RPS6: variants seen among roughly 807,000 people sequenced by gnomAD.
RPS6 encodes the protein small ribosomal subunit protein eS6.
Under a neutral mutation model 27.1 loss-of-function variants are expected in RPS6, and 1 was observed. The observed-to-expected ratio is 0.04, with a 90% CI of 0.01 to 0.18. The LOEUF is 0.18. Ranked by LOEUF, RPS6 falls within the 10% of genes least tolerant of loss-of-function variation. The pLI, the probability that RPS6 is intolerant of heterozygous loss-of-function variation, is 1.00. For synonymous variants in RPS6, 152 were observed against 106.0 expected (o/e 1.43, Z -2.66); for missense variants, 259 against 319.1 (o/e 0.81, Z 1.44).
chr9:19,378,952 A>G (rs1829633873), intron 2 of RPS6, 34 bp from the exon 3 acceptor site: 1 of 1,594,386 alleles, frequency 6.3e-7, no homozygotes, highest in Non-Finnish European at 8.6e-7. Context: ...CACATTTACT[A>G]TTTCTATTCC....
intron 2 of RPS6, 166 bp downstream of exon 2, chr9:19,379,321 C>T: frequency 6.6e-7 from 1 of 1,504,988 alleles, no homozygotes; most frequent in Non-Finnish European, 8.9e-7. Flanking sequence ...TACTCTACGT[C>T]CCCCCCTCCA....
rs758793587 is a variant in RPS6 at position 19,379,510 on chromosome 9, C to A, written c.115G>T (p.Asp39Tyr). Residue 39 changes from aspartate to tyrosine, a missense_variant, in exon 2 of 6, where the codon GAC becomes TAC. Transcript: ENST00000380394. Reference sequence around the variant, plus strand: ...ACCTTCCATTCTTCACCCAGAGCGTCAGCAGCAACTTCTGTGGCCATACGC... The same window carrying A: ...ACCTTCCATTCTTCACCCAGAGCGTAAGCAGCAACTTCTGTGGCCATACGC... ...EKRMATEVAADALGEEWKGYV... is the reference protein window; with the variant it reads ...EKRMATEVAAYALGEEWKGYV... 5 of 1,614,082 alleles carry A rather than the reference C, an allele frequency of 3.1e-6. No individual in the cohort carries two copies. The highest frequency in any genetic ancestry group is 3.4e-6 in the Non-Finnish European group (4 of 1,180,046).
In RPS6 at chr9:19,376,572, A is replaced by G. The variant is rs1056761136; in HGVS notation, c.576T>C (p.Ile192=). ...PRVLQHKRRR[I]ALKKQRTKKN... ...TCTTGGTACGCTGCTTCTTCAGAGC[A>G]ATACGCCGCCGTTTGTGCTGCAGGA... is the stretch of plus-strand genomic sequence containing the variant. The change falls in exon 5 of 6, where the codon ATT becomes ATC. Residue 192 remains isoleucine (I), a synonymous_variant. Transcript: ENST00000380394. 7 of 1,614,178 alleles carry G rather than the reference A, an allele frequency of 4.3e-6. No individual in the cohort carries two copies. Among genetic ancestry groups the G allele is most frequent in the Non-Finnish European group, 5.9e-6 (7 of 1,180,044 alleles).
At chr9:19,378,663 G>A (rs1829628701) in intron 3 of RPS6, 45 bp downstream of exon 3, 3 of 1,601,362 alleles carry the variant, frequency 1.9e-6, no homozygotes, top group East Asian at 4.5e-5. Flanking sequence ...TGGACAACTG[G>A]CTTTAAATCA....
intron 2 of RPS6, chr9:19,379,217 T>C: frequency 8.2e-7 from 1 of 1,222,036 alleles, no homozygotes. Flanking sequence ...TTTGGCACTT[T>C]GGGGATTATG....
intron 4 of RPS6, among the ~76,000 whole-genome samples, chr9:19,377,626 A>C (rs1207425306): frequency 6.6e-6 from 1 of 152,182 alleles, no homozygotes; most frequent in Non-Finnish European, 1.5e-5. Flanking sequence ...TGTTTATTTA[A>C]CATAAATATC....
intron 4 of RPS6, among the ~76,000 whole-genome samples, chr9:19,377,575 T>G (rs1318221703): frequency 2.0e-5 from 3 of 152,204 alleles, no homozygotes; most frequent in African/African-American, 7.2e-5. Context: ...AGAGAAATTC[T>G]TTCAAATTTT....
At chr9:19,378,025 A>C (rs1376866302) in intron 4 of RPS6, among the ~76,000 whole-genome samples, 2 of 152,200 alleles carry the variant, frequency 1.3e-5, no homozygotes, top group African/African-American at 4.8e-5. Flanking sequence ...TCTGATATAA[A>C]ATTACAAAGT....
intron 4 of RPS6, 81 bp from the exon 5 acceptor site, chr9:19,376,732 G>GT (rs1191332129): frequency 3.6e-6 from 5 of 1,400,580 alleles, no homozygotes; most frequent in South Asian, 1.3e-5. Context: ...AGAAATAAAC[G>GT]TAAGCTTAAC....
chr9:19,379,869 G>A (rs779875802), intron 1 of RPS6: 3 of 1,422,338 alleles, frequency 2.1e-6, no homozygotes, highest in Non-Finnish European at 2.7e-6. Flanking sequence ...CTCCGCAGCC[G>A]TTCACCCTCC....
In RPS6 at chr9:19,376,513, A is replaced by C. The variant is rs573427608; in HGVS notation, c.635T>G (p.Leu212Arg). The change falls in exon 5 of 6, where the codon CTT becomes CGT. Residue 212 changes from leucine (L) to arginine (R), a missense_variant. Leu to Arg is a moderately radical substitution (Grantham distance 102, BLOSUM62 -2). Around this residue, in one of 3 missense-constraint regions of RPS6, gnomAD observed 191 missense variants for 231.6 expected, o/e 0.82. Coordinates refer to ENST00000380394, the MANE Select transcript of RPS6 (RefSeq NM_001010.3). ...NKEEAAEYAKLLAKRMKEAKE... is the reference protein window; with the variant it reads ...NKEEAAEYAKRLAKRMKEAKE... ...ACTAACCTTCATTCTCTTGGCCAAA[A>C]GTTTAGCATATTCTGCAGCCTCTTC... 3 of 1,614,006 alleles carry C rather than the reference A, an allele frequency of 1.9e-6. No homozygotes were observed. The highest frequency in any genetic ancestry group is 1.1e-5 in the South Asian group (1 of 91,020).
chr9:19,376,153 C>CA lies in RPS6; in HGVS notation c.*139dup. The CA allele has an allele frequency of 1.4e-6, 1 of 709,218 alleles. No homozygotes were observed. Among genetic ancestry groups the CA allele is most frequent in the Non-Finnish European group, 2.3e-6 (1 of 429,032 alleles). 43.9% of individuals were successfully genotyped at this position (709,218 alleles called of 1,614,324 possible). A position where few individuals can be genotyped will look rare whatever the true frequency, so the allele number is the denominator to read the frequency against. On this transcript the variant is annotated 3_prime_UTR_variant, in exon 6 of 6. Transcript: ENST00000380394. ...CACACACAATAGGTCTGACTTTATC[C>CA]ACCATTGGAATACCATATATACATA...
rs1332402807 is a variant in RPS6 at position 19,376,125 on chromosome 9, T to A, written c.*168A>T. ...CCTGTACACTGACCTTGTCTTCCAC[T>A]ACCACACACAATAGGTCTGACTTTA... On this transcript the variant is annotated 3_prime_UTR_variant, in exon 6 of 6. Transcript: ENST00000380394. The A allele has an allele frequency of 3.2e-6, 2 of 619,016 alleles. No homozygotes were observed. The highest frequency in any genetic ancestry group is 5.5e-6 in the Non-Finnish European group (2 of 362,018). The allele number at this position is 619,016 out of a possible 1,614,324, so 38.3% of individuals were successfully genotyped here.
chr9:19,376,831 AT>A (rs1219325472), intron 4 of RPS6, 180 bp from the exon 5 acceptor site: 1 of 517,442 alleles, frequency 1.9e-6, no homozygotes, highest in Non-Finnish European at 3.3e-6. Context: ...AATCTAGAAG[AT>A]TGGTTAAATA....
rs746229844 is a variant in RPS6 at position 19,380,230 on chromosome 9, A to G, written c.-35T>C. On this transcript the variant is annotated 5_prime_UTR_variant, in exon 1 of 6. Coordinates refer to ENST00000380394, the MANE Select transcript of RPS6 (RefSeq NM_001010.3). ...GCTGAACGCCTCCGAGGCGCCACGG[A>G]AAAGAGGGCCAACTTCCGCTTAGCG... 1 of 1,610,932 alleles carries G rather than the reference A, an allele frequency of 6.2e-7. No homozygotes were observed. The highest frequency in any genetic ancestry group is 1.7e-5 in the Admixed American group (1 of 59,980).
chr9:19,378,350 T>C lies in RPS6; in HGVS notation c.496+18A>G, dbSNP rs370831616. On this transcript the variant is annotated intron_variant, in intron 4 of 5. Coordinates refer to ENST00000380394, the MANE Select transcript of RPS6 (RefSeq NM_001010.3). ...ATTACCAAAATTAAGCAAGCCCTAA[T>C]TGCATAATCCCTCCTACCTTCTTTA... 181 of 1,609,562 alleles carry C rather than the reference T, an allele frequency of 1.1e-4. 2 individuals carry two copies. Among genetic ancestry groups the C allele is most frequent in the South Asian group, 7.1e-4 (64 of 90,562 alleles).
At chr9:19,377,781 C>A (rs1829612764) in intron 4 of RPS6, among the ~76,000 whole-genome samples, 1 of 152,196 alleles carries the variant, frequency 6.6e-6, no homozygotes, top group Non-Finnish European at 1.5e-5. Context: ...TCTCTAACTT[C>A]TAATTCTCAC....
chr9:19,379,777 G>A, intron 1 of RPS6, 159 bp from the exon 2 acceptor site: 2 of 1,462,936 alleles, frequency 1.4e-6, no homozygotes, highest in Non-Finnish European at 9.0e-7. Flanking sequence ...GCACGTGAAA[G>A]CAGAGTAGCA....
Position 19,378,832 on chromosome 9 carries a change from C to A in RPS6, c.225G>T (p.Leu75=), listed in dbSNP as rs776043249. 6.2e-7 allele frequency: 1 copy of A among 1,614,208 alleles called. No homozygotes were observed. Among genetic ancestry groups the A allele is most frequent in the Non-Finnish European group, 8.5e-7 (1 of 1,180,046 alleles). The change falls in exon 3 of 6, where the codon CTG becomes CTT. Residue 75 remains leucine, a synonymous_variant. Transcript: ENST00000380394. The part of the protein sequence containing the change: ...QGVLTHGRVR[L]LLSKGHSCYR... The stretch of plus-strand genomic sequence containing the variant: ...AACAGGAATGCCCCTTACTCAGTAG[C>A]AGGCGGACACGGCCATGGGTCAAGA...
Sources: allele counts gnomAD v4.1 joint callset (sites outside exome capture counted in the v4.1 genomes callset), GRCh38; gene constraint gnomAD v4.1.1; regional missense constraint gnomAD v4.1.1; transcripts MANE v1.5; gene names NCBI Gene and HGNC (gene_info 2026-07-23, HGNC 2026-07-21).